The following THSD7B variants were observed in gnomAD, a reference collection of about 807,000 sequenced individuals.
The protein encoded by THSD7B is thrombospondin type-1 domain-containing protein 7B.
A neutral mutation model predicts 213.6 loss-of-function variants in THSD7B; 138 were observed. That is an observed-to-expected ratio of 0.65 (90% CI 0.56 to 0.74). The LOEUF is 0.74. Ranked by LOEUF, THSD7B falls within the 30% of genes least tolerant of loss-of-function variation. THSD7B has a pLI of 0.00. For synonymous variants in THSD7B, 742 were observed against 687.0 expected (o/e 1.08, Z -1.25); for missense variants, 1,931 against 1,991.5 (o/e 0.97, Z 0.58).
chr2:137,089,830 GA>G (rs1246606396), intron 3 of THSD7B, among the ~76,000 whole-genome samples: 1 of 151,962 alleles, frequency 6.6e-6, no homozygotes, highest in Non-Finnish European at 1.5e-5. Flanking sequence ...CCAACAGGGT[GA>G]AGCCCAGCTC....
chr2:137,621,989 T>C (rs6730607), intron 20 of THSD7B, among the ~76,000 whole-genome samples: 57,950 of 151,892 alleles, frequency 0.38, 13,001 homozygotes, highest in African/African-American at 0.63. Flanking sequence ...AGAGAAATAA[T>C]GCTGTGTTGC....
At chr2:136,822,303 C>T (rs1573654556) in intron 1 of THSD7B, among the ~76,000 whole-genome samples, 1 of 152,150 alleles carries the variant, frequency 6.6e-6, no homozygotes, top group East Asian at 1.9e-4. Context: ...AGAATCCCTT[C>T]GGCCGTTTGT....
chr2:136,876,914 G>T (rs1683534298), intron 1 of THSD7B, among the ~76,000 whole-genome samples: 1 of 152,152 alleles, frequency 6.6e-6, no homozygotes, highest in Non-Finnish European at 1.5e-5. Flanking sequence ...AACACGCTCT[G>T]GGGTCTCTGA....
At chr2:136,954,528 A>T (rs1161734595) in intron 2 of THSD7B, among the ~76,000 whole-genome samples, 1 of 152,006 alleles carries the variant, frequency 6.6e-6, no homozygotes, top group Non-Finnish European at 1.5e-5. Context: ...CATCCTGGCT[A>T]ACAGGGTGAA....
At chr2:137,369,563 C>G (rs1056851498) in intron 12 of THSD7B, among the ~76,000 whole-genome samples, 3 of 152,112 alleles carry the variant, frequency 2.0e-5, no homozygotes, top group African/African-American at 4.8e-5. Context: ...CTAAAAGAGG[C>G]TAAAGAGTTC....
chr2:137,430,321 A>G (rs543689609), intron 14 of THSD7B, among the ~76,000 whole-genome samples: 1 of 152,346 alleles, frequency 6.6e-6, no homozygotes, highest in African/African-American at 2.4e-5. Flanking sequence ...TTATGCTTAC[A>G]GGATATAAGC....
chr2:136,893,940 CT>C (rs1683908250), intron 2 of THSD7B, among the ~76,000 whole-genome samples: 1 of 152,118 alleles, frequency 6.6e-6, no homozygotes, highest in African/African-American at 2.4e-5. Flanking sequence ...CCATCTCAGG[CT>C]TTTGTTTCCT....
At chr2:137,646,429 G>A (rs1274870612) in intron 21 of THSD7B, among the ~76,000 whole-genome samples, 2 of 146,180 alleles carry the variant, frequency 1.4e-5, no homozygotes, top group Non-Finnish European at 3.0e-5. Context: ...ATCACTTGAG[G>A]CCAGAAGTTT....
chr2:137,085,140 G>T (rs781057605), intron 3 of THSD7B, among the ~76,000 whole-genome samples: 1 of 152,260 alleles, frequency 6.6e-6, no homozygotes, highest in African/African-American at 2.4e-5. Context: ...CTGAGAAAAA[G>T]GCAAGCTAAA....
At chr2:137,128,254 C>G (rs1688663991) in intron 5 of THSD7B, among the ~76,000 whole-genome samples, 1 of 152,114 alleles carries the variant, frequency 6.6e-6, no homozygotes, top group South Asian at 2.1e-4. Flanking sequence ...ACACTTATAA[C>G]TTTAATAAAA....
intron 20 of THSD7B, among the ~76,000 whole-genome samples, chr2:137,636,535 C>A (rs1285608486): frequency 6.6e-6 from 1 of 151,924 alleles, no homozygotes; most frequent in South Asian, 2.1e-4. Flanking sequence ...TAAAATAAAC[C>A]CACTTTCATT....
chr2:136,789,674 T>G (rs530262904), intron 1 of THSD7B, among the ~76,000 whole-genome samples: 1 of 152,114 alleles, frequency 6.6e-6, no homozygotes, highest in South Asian at 2.1e-4. Flanking sequence ...GAATAAGTAA[T>G]GTACAACTTG....
intron 1 of THSD7B, among the ~76,000 whole-genome samples, chr2:136,823,061 C>T (rs758120493): frequency 6.6e-6 from 1 of 152,126 alleles, no homozygotes; most frequent in Non-Finnish European, 1.5e-5. Flanking sequence ...ATATCTAGAG[C>T]AATGATAGGC....
chr2:136,814,781 C>T (rs1008286573), intron 1 of THSD7B, among the ~76,000 whole-genome samples: 8 of 152,066 alleles, frequency 5.3e-5, no homozygotes, highest in African/African-American at 1.9e-4. Context: ...GCTTATATGG[C>T]AGCTATAAAA....
At chr2:137,623,641 C>A (rs1198305812) in intron 20 of THSD7B, among the ~76,000 whole-genome samples, 1 of 152,134 alleles carries the variant, frequency 6.6e-6, no homozygotes, top group Non-Finnish European at 1.5e-5. Context: ...TCTCAGGATA[C>A]AAAATCAATG....
At chr2:137,100,732 T>G (rs1026790562) in intron 4 of THSD7B, among the ~76,000 whole-genome samples, 1 of 152,096 alleles carries the variant, frequency 6.6e-6, no homozygotes, top group Non-Finnish European at 1.5e-5. Flanking sequence ...TGTTTACCTT[T>G]ATTATATAGT....
At chr2:137,045,767 C>A (rs1245806923) in intron 2 of THSD7B, among the ~76,000 whole-genome samples, 4 of 152,168 alleles carry the variant, frequency 2.6e-5, no homozygotes, top group Non-Finnish European at 4.4e-5. Flanking sequence ...TGCTTTAGTA[C>A]ATTACCATGC....
At chr2:137,093,874 T>G (rs1413799542) in intron 3 of THSD7B, among the ~76,000 whole-genome samples, 1 of 152,218 alleles carries the variant, frequency 6.6e-6, no homozygotes, top group Non-Finnish European at 1.5e-5. Context: ...ACTCGTCATT[T>G]AGCATTAGGT....
intron 10 of THSD7B, among the ~76,000 whole-genome samples, chr2:137,255,504 G>A (rs1682286032): frequency 6.6e-6 from 1 of 152,040 alleles, no homozygotes; most frequent in South Asian, 2.1e-4. Flanking sequence ...CACATGGAAG[G>A]CATCATTAAG....
Sources: gnomAD v4.1 joint callset for allele counts (sites outside exome capture counted in the v4.1 genomes callset) on GRCh38, gnomAD v4.1.1 for gene constraint, MANE v1.5 for transcripts, NCBI Gene and HGNC (gene_info 2026-07-23, HGNC 2026-07-21) for gene names.